The following NALF1 variants were observed in gnomAD, a reference collection of about 807,000 sequenced individuals.
NALF1 encodes family with sequence similarity 155 member A.
NALF1 carries 3 observed loss-of-function variants against 48.4 expected under a neutral mutation model. The observed-to-expected ratio is 0.06, with a 90% CI of 0.03 to 0.16. NALF1 has a LOEUF of 0.16. Among genes scored for constraint, NALF1 ranks in the 10% least tolerant of loss-of-function variants. The probability of loss-of-function intolerance (pLI) is 1.00; values close to 1 mark genes in which losing one functional copy is unlikely to be tolerated. For missense variants in NALF1, 526 were observed against 571.5 expected, an observed-to-expected ratio of 0.92 and a Z score of 0.81; for synonymous variants, 262 against 245.7, an observed-to-expected ratio of 1.07 and a Z score of -0.62.
rs938639745 is a variant in NALF1, at chr13:107,167,931, A to G, written c.*2566T>C. On this transcript the variant is annotated 3_prime_UTR_variant, in exon 3 of 3. Coordinates refer to ENST00000375915, the MANE Select transcript of NALF1 (RefSeq NM_001080396.3). ...TAGTCAGTTCAAAATATATTGAGAA[A>G]ATGAAAACCTATATTTTAAGGAATA... 6.6e-6 allele frequency: 1 copy of G among 152,240 alleles called. No homozygotes were observed. Among genetic ancestry groups the G allele is most frequent in the African/African-American group, 2.4e-5 (1 of 41,468 alleles). The allele number at this position is 152,240 out of a possible 1,614,324, so 9.4% of individuals were successfully genotyped here. A position where few individuals can be genotyped will look rare whatever the true frequency, so the allele number is the denominator to read the frequency against.
chr13:107,753,105 A>AAG (rs1393564734), intron 1 of NALF1, among the ~76,000 whole-genome samples: 1 of 152,178 alleles, frequency 6.6e-6, no homozygotes, highest in African/African-American at 2.4e-5. Flanking sequence ...AGAGCCATTA[A>AAG]AGGCATGTCC....
chr13:107,685,700 T>A (rs1282425211), intron 1 of NALF1, among the ~76,000 whole-genome samples: 1 of 152,206 alleles, frequency 6.6e-6, no homozygotes, highest in East Asian at 1.9e-4. Flanking sequence ...CTTGAATGGA[T>A]CGATGGATCT....
chr13:107,539,417 C>T (rs1164364764), intron 1 of NALF1, among the ~76,000 whole-genome samples: 1 of 150,012 alleles, frequency 6.7e-6, no homozygotes, highest in African/African-American at 2.5e-5. Flanking sequence ...CCTTGTGAGT[C>T]AATCACCTCT....
intron 1 of NALF1, among the ~76,000 whole-genome samples, chr13:107,438,841 AAAAAAAAAAAGAAT>A (rs1884507077): frequency 1.4e-5 from 2 of 147,578 alleles, no homozygotes; most frequent in Admixed American, 6.8e-5. Context: ...AAAAAAAAAA[AAAAAAAAAAAGAAT>A]AATATAAAGG....
intron 1 of NALF1, among the ~76,000 whole-genome samples, chr13:107,602,120 T>A (rs1341204630): frequency 6.6e-6 from 1 of 152,180 alleles, no homozygotes; most frequent in Non-Finnish European, 1.5e-5. Context: ...AATCAGAAGA[T>A]CTATGTTTTT....
chr13:107,717,483 G>C (rs553887629), intron 1 of NALF1, among the ~76,000 whole-genome samples: 58 of 152,188 alleles, frequency 3.8e-4, no homozygotes, highest in African/African-American at 1.2e-3. Context: ...ATCATTAAAA[G>C]TGAAAGAGGA....
intron 1 of NALF1, among the ~76,000 whole-genome samples, chr13:107,630,213 G>A (rs765932751): frequency 4.6e-5 from 7 of 152,080 alleles, no homozygotes; most frequent in Non-Finnish European, 7.4e-5. Context: ...TTCTCTTACC[G>A]TGACACAAGA....
At chr13:107,744,428 C>T (rs1003750077) in intron 1 of NALF1, among the ~76,000 whole-genome samples, 3 of 152,048 alleles carry the variant, frequency 2.0e-5, no homozygotes, top group Admixed American at 6.5e-5. Flanking sequence ...TCCCCAAGCC[C>T]GAAACTTAGC....
chr13:107,783,399 T>C (rs1243969945), intron 1 of NALF1, among the ~76,000 whole-genome samples: 1 of 151,862 alleles, frequency 6.6e-6, no homozygotes. Flanking sequence ...ATGATGACAA[T>C]GGTGGTTTTG....
intron 1 of NALF1, among the ~76,000 whole-genome samples, chr13:107,423,853 T>C (rs537357977): frequency 2.6e-5 from 4 of 152,330 alleles, no homozygotes; most frequent in African/African-American, 9.6e-5. Flanking sequence ...ATCATGTATA[T>C]CTTCCAAAAG....
intron 1 of NALF1, among the ~76,000 whole-genome samples, chr13:107,566,716 A>G (rs1186356379): frequency 6.6e-6 from 1 of 152,170 alleles, no homozygotes; most frequent in African/African-American, 2.4e-5. Context: ...CTTTCTAACG[A>G]ATGATTTTGT....
At chr13:107,247,755 G>A (rs925538670) in intron 1 of NALF1, among the ~76,000 whole-genome samples, 1 of 152,130 alleles carries the variant, frequency 6.6e-6, no homozygotes, top group Admixed American at 6.5e-5. Flanking sequence ...AGAAGGGAAA[G>A]CATGGATATT....
In NALF1 at chr13:107,647,044, T is replaced by G. The variant is rs554432491; in HGVS notation, c.915+218638A>C. Among the ~76,000 whole-genome samples, 21 of 152,224 alleles carry G rather than the reference T, an allele frequency of 1.4e-4. 1 individual carries two copies. In the South Asian group the frequency reaches 4.4e-3, roughly 32 times the overall value. ...AAGACTTACATACTAGAATGCTTAT[T>G]GTAGCTTTATTTATAAATCAAAAGT... is the stretch of plus-strand genomic sequence containing the variant. On this transcript the variant is annotated intron_variant, in intron 1 of 2. Coordinates refer to ENST00000375915, the MANE Select transcript of NALF1 (RefSeq NM_001080396.3).
At chr13:107,405,665 A>C (rs930041886) in intron 1 of NALF1, among the ~76,000 whole-genome samples, 1 of 152,078 alleles carries the variant, frequency 6.6e-6, no homozygotes, top group African/African-American at 2.4e-5. Flanking sequence ...AAATTCTTCC[A>C]AATAGGTCAT....
chr13:107,211,208 A>G (rs1181320587), intron 1 of NALF1, among the ~76,000 whole-genome samples: 1 of 152,230 alleles, frequency 6.6e-6, no homozygotes, highest in Non-Finnish European at 1.5e-5. Flanking sequence ...GAAGCACTTT[A>G]TAAAGATGGC....
chr13:107,207,825 T>C (rs756798069), intron 2 of NALF1, among the ~76,000 whole-genome samples: 1 of 152,168 alleles, frequency 6.6e-6, no homozygotes, highest in Non-Finnish European at 1.5e-5. Flanking sequence ...CTTTTATTTT[T>C]AATTTTTTGT....
At position 107,174,379 on chromosome 13, in the gene NALF1, C is replaced by CA. The variant is rs1462055917; in HGVS notation, c.1088-3594dup. 3.3e-5 allele frequency among the ~76,000 whole-genome samples: 5 copies of CA among 149,686 alleles called. No homozygotes were observed. In the Admixed American group the frequency reaches 3.3e-4, roughly 10 times the overall value. On this transcript the variant is annotated intron_variant, in intron 2 of 2. Transcript: ENST00000375915. ...TATTTATTTATTTTTTTTTTTGAGA[C>CA]AGAGTCTCGCTCTGTCGCCAGGCTG...
chr13:107,513,413 T>A (rs1283180292), intron 1 of NALF1, among the ~76,000 whole-genome samples: 3 of 152,200 alleles, frequency 2.0e-5, no homozygotes, highest in African/African-American at 7.2e-5. Flanking sequence ...TTCCAAGTAC[T>A]CAGCAAGTCT....
At chr13:107,793,300 T>C (rs778983274) in intron 1 of NALF1, among the ~76,000 whole-genome samples, 4 of 152,322 alleles carry the variant, frequency 2.6e-5, no homozygotes, top group Admixed American at 1.3e-4. Flanking sequence ...GAATATCTTA[T>C]GTGTTGATAA....
Sources: allele counts gnomAD v4.1 joint callset (sites outside exome capture counted in the v4.1 genomes callset), GRCh38; gene constraint gnomAD v4.1.1; transcripts MANE v1.5; gene names NCBI Gene and HGNC (gene_info 2026-07-23, HGNC 2026-07-21).